The following BCL2L1 variants were observed in gnomAD, a reference collection of about 807,000 sequenced individuals.
The protein encoded by BCL2L1 is BCL2 like 1.
In BCL2L1, 1 loss-of-function variant was observed where a neutral mutation model predicts 18.7. The observed-to-expected ratio is 0.05, with a 90% confidence interval of 0.02 to 0.25. The LOEUF is 0.25. BCL2L1 is among the 10% of genes least tolerant of loss of function. BCL2L1 has a pLI of 1.00. For synonymous variants in BCL2L1, 103 were observed against 122.7 expected (o/e 0.84, Z 1.06); for missense variants, 207 against 304.9 (o/e 0.68, Z 2.39).
chr20:31,688,780 T>C (rs576297972), intron 2 of BCL2L1, among the ~76,000 whole-genome samples: 1 of 152,360 alleles, frequency 6.6e-6, no homozygotes, highest in East Asian at 1.9e-4. Context: ...TGTCTACCAA[T>C]GGGAACTGGT....
Position 31,685,824 on chromosome 20 carries a change from T to C in BCL2L1, c.565-19738A>G, listed in dbSNP as rs143382245. Among the ~76,000 whole-genome samples, 31 of 152,222 alleles carry C rather than the reference T, an allele frequency of 2.0e-4. No homozygotes were observed. In the East Asian group the frequency reaches 6.0e-3, roughly 29 times the overall value. On this transcript the variant is annotated intron_variant, in intron 2 of 2. Transcript: ENST00000307677. ...CTGAGTTCTAATCTCAGCAATGCCA[T>C]TTATTAACTTACTGTGTAACAATGG... is the stretch of plus-strand genomic sequence containing the variant.
intron 2 of BCL2L1, chr20:31,720,460 T>C (rs2061605250): frequency 1.2e-6 from 1 of 867,824 alleles, no homozygotes; most frequent in Non-Finnish European, 1.4e-6. Context: ...GCACCTCCGC[T>C]AGGTAGGGAG....
In BCL2L1 at chr20:31,721,659, C is replaced by A; in HGVS notation, c.560G>T (p.Gly187Val). Reference protein sequence around the residue: ...HLEPWIQENGGWDTFVELYGN... With the variant: ...HLEPWIQENGVWDTFVELYGN... ...CACAAGGGGCTTGGTTCTTACCCAG[C>A]CGCCGTTCTCCTGGATCCAAGGCTC... Residue 187 changes from glycine (G) to valine (V), a missense_variant, in exon 2 of 3, where the codon GGC (glycine) becomes GTC (valine). Transcript: ENST00000307677. 6.2e-7 allele frequency: 1 copy of A among 1,601,120 alleles called. No individual in the cohort carries two copies. The highest frequency in any genetic ancestry group is 8.5e-7 in the Non-Finnish European group (1 of 1,172,336).
chr20:31,666,474 C>T (rs1485728826), intron 2 of BCL2L1, among the ~76,000 whole-genome samples: 1 of 152,030 alleles, frequency 6.6e-6, no homozygotes, highest in Non-Finnish European at 1.5e-5. Context: ...AAGAGCCAGA[C>T]CATACGTGGC....
intron 2 of BCL2L1, among the ~76,000 whole-genome samples, chr20:31,700,537 T>C (rs1284396330): frequency 6.6e-6 from 1 of 152,190 alleles, no homozygotes; most frequent in Non-Finnish European, 1.5e-5. Context: ...CCCCTCCACA[T>C]ATGCCTAAAA....
chr20:31,715,098 C>A (rs2061509184), intron 2 of BCL2L1, among the ~76,000 whole-genome samples: 1 of 152,116 alleles, frequency 6.6e-6, no homozygotes, highest in South Asian at 2.1e-4. Context: ...CATGGTGAAA[C>A]CCCGTCTACT....
chr20:31,718,483 C>T (rs2061573701), intron 2 of BCL2L1, among the ~76,000 whole-genome samples: 1 of 151,878 alleles, frequency 6.6e-6, no homozygotes, highest in Non-Finnish European at 1.5e-5. Context: ...TGGAGAAACC[C>T]CATCTCTACT....
chr20:31,714,339 CTT>C (rs2122800443), intron 2 of BCL2L1, among the ~76,000 whole-genome samples: 1 of 152,312 alleles, frequency 6.6e-6, no homozygotes, highest in African/African-American at 2.4e-5. Context: ...AAGACCAGTG[CTT>C]ACACCACCAT....
chr20:31,680,917 G>A (rs949894120), intron 2 of BCL2L1, among the ~76,000 whole-genome samples: 1 of 152,216 alleles, frequency 6.6e-6, no homozygotes, highest in African/African-American at 2.4e-5. Flanking sequence ...TTCTTAAGGA[G>A]GTGAATTTGA....
intron 2 of BCL2L1, among the ~76,000 whole-genome samples, chr20:31,706,199 G>A (rs73903638): frequency 0.023 from 3,443 of 152,200 alleles, 137 homozygotes; most frequent in African/African-American, 0.078. Context: ...ACTGATCCTC[G>A]ATAGTTCAGA....
Position 31,683,227 on chromosome 20 carries a change from C to T in BCL2L1, c.565-17141G>A, listed in dbSNP as rs139851300. Among the ~76,000 whole-genome samples, 134 of 152,302 alleles carry T rather than the reference C, an allele frequency of 8.8e-4. 1 individual carries two copies. In the South Asian group the frequency reaches 0.011, roughly 12 times the overall value. On this transcript the variant is annotated intron_variant, in intron 2 of 2. Coordinates refer to ENST00000307677, the MANE Select transcript of BCL2L1 (RefSeq NM_138578.3). ...CTCTGTTCTAGCCACACTGATCTCCCGTGCTCTTCCTCAAACATGCCAGGC... is the reference window on the plus strand; with the variant it reads ...CTCTGTTCTAGCCACACTGATCTCCTGTGCTCTTCCTCAAACATGCCAGGC...
chr20:31,702,969 G>A (rs1600874345), intron 2 of BCL2L1, among the ~76,000 whole-genome samples: 1 of 151,932 alleles, frequency 6.6e-6, no homozygotes, highest in South Asian at 2.1e-4. Flanking sequence ...AAAAGTCTGG[G>A]TTTTATTCTA....
Position 31,667,484 on chromosome 20 carries a change from C to CGTGTGTGTGT in BCL2L1, c.565-1408_565-1399dup, listed in dbSNP as rs3073682. 6.0e-3 allele frequency among the ~76,000 whole-genome samples: 814 copies of CGTGTGTGTGT among 135,326 alleles called. 7 individuals carry two copies. The highest frequency in any genetic ancestry group is 0.022 in the African/African-American group (733 of 32,724). The allele number at this position is 135,326 out of a possible 152,430, so 88.8% of individuals were successfully genotyped here. A position where few individuals can be genotyped will look rare whatever the true frequency, so the allele number is the denominator to read the frequency against. On this transcript the variant is annotated intron_variant, in intron 2 of 2. Coordinates refer to ENST00000307677, the MANE Select transcript of BCL2L1 (RefSeq NM_138578.3). The stretch of plus-strand genomic sequence containing the variant: ...AAAAAAAAAGGAAGTACCATAGTAC[C>CGTGTGTGTGT]GTGTGTGTGTGTGTGTGTGTGTGTG...
intron 2 of BCL2L1, among the ~76,000 whole-genome samples, chr20:31,692,306 G>T (rs1481177648): frequency 6.6e-6 from 1 of 152,102 alleles, no homozygotes; most frequent in Non-Finnish European, 1.5e-5. Context: ...AAAAACAAGG[G>T]GACAACCCAA....
intron 2 of BCL2L1, among the ~76,000 whole-genome samples, chr20:31,703,955 A>T (rs916554459): frequency 2.1e-5 from 3 of 145,638 alleles, no homozygotes; most frequent in African/African-American, 7.7e-5. Flanking sequence ...ACGCCACCAC[A>T]CCTGGCTAAT....
At chr20:31,696,825 G>T (rs867375221) in intron 2 of BCL2L1, among the ~76,000 whole-genome samples, 20 of 152,114 alleles carry the variant, frequency 1.3e-4, no homozygotes, top group African/African-American at 4.6e-4. Context: ...GGAAGCCGAG[G>T]CGGGTGGATC....
intron 2 of BCL2L1, among the ~76,000 whole-genome samples, chr20:31,686,889 T>C (rs926323892): frequency 2.0e-5 from 3 of 152,290 alleles, no homozygotes; most frequent in Non-Finnish European, 4.4e-5. Flanking sequence ...TTGAGTCCAA[T>C]ATATTGGACT....
At chr20:31,693,497 G>A (rs1447584012) in intron 2 of BCL2L1, among the ~76,000 whole-genome samples, 2 of 151,932 alleles carry the variant, frequency 1.3e-5, no homozygotes, top group Non-Finnish European at 2.9e-5. Flanking sequence ...TGTGATTGGG[G>A]AGGGGGTACA....
intron 2 of BCL2L1, among the ~76,000 whole-genome samples, chr20:31,706,920 T>C (rs1277443459): frequency 2.0e-5 from 3 of 152,196 alleles, no homozygotes; most frequent in Non-Finnish European, 4.4e-5. Flanking sequence ...GCAAGAGGCT[T>C]GAGGCCACAG....
Sources: allele counts gnomAD v4.1 joint callset (sites outside exome capture counted in the v4.1 genomes callset), GRCh38; gene constraint gnomAD v4.1.1; transcripts MANE v1.5; gene names NCBI Gene and HGNC (gene_info 2026-07-23, HGNC 2026-07-21).